CEP128: variants seen among roughly 807,000 people sequenced by gnomAD.
CEP128 encodes centrosomal protein 128kDa.
In CEP128, 132 loss-of-function variants were observed where a neutral mutation model predicts 156.7. That is an observed-to-expected ratio of 0.84 (90% confidence interval 0.73 to 0.97). The LOEUF (loss-of-function observed/expected upper bound fraction) is 0.97, where lower values mean the gene tolerates loss of function less well. CEP128 is among the 50% of genes least tolerant of loss of function. The pLI is 0.00. For synonymous variants in CEP128, 469 were observed against 448.9 expected (o/e 1.04, Z -0.57); for missense variants, 1,252 against 1,281.9 (o/e 0.98, Z 0.36).
chr14:80,951,817 A>T (rs1886472193), intron 2 of CEP128, among the ~76,000 whole-genome samples: 1 of 152,094 alleles, frequency 6.6e-6, no homozygotes, highest in Admixed American at 6.5e-5. Context: ...TCATACCATG[A>T]TAACGCTGAT....
rs548688123 is a variant in CEP128, at chr14:80,640,828, A to G, written c.2807-60405T>C. ...TAGTTTATTAGAAAACTTGGCCCAC[A>G]TATCTTAAGGGTACTTCAAAAACAG... On this transcript the variant is annotated intron_variant, in intron 19 of 24. Transcript: ENST00000555265. 1.9e-4 allele frequency among the ~76,000 whole-genome samples: 29 copies of G among 152,310 alleles called. 1 individual carries two copies. The highest frequency in any genetic ancestry group is 1.5e-3 in the Admixed American group (23 of 15,304).
chr14:80,808,651 C>T (rs988368462), intron 13 of CEP128, among the ~76,000 whole-genome samples: 3 of 152,042 alleles, frequency 2.0e-5, no homozygotes, highest in South Asian at 2.1e-4. Flanking sequence ...CTATGAAGAC[C>T]GAAAGACTTA....
chr14:80,841,104 A>T (rs1886329695), intron 9 of CEP128, among the ~76,000 whole-genome samples: 2 of 152,304 alleles, frequency 1.3e-5, no homozygotes, highest in Non-Finnish European at 2.9e-5. Context: ...AAGAAAGTTA[A>T]GAAAATACAC....
At chr14:80,738,719 T>C (rs1159565668) in intron 19 of CEP128, among the ~76,000 whole-genome samples, 1 of 152,124 alleles carries the variant, frequency 6.6e-6, no homozygotes, top group Non-Finnish European at 1.5e-5. Flanking sequence ...ATTATTAATG[T>C]TTTATTGTTT....
chr14:80,533,012 C>T (rs908842672), intron 21 of CEP128, among the ~76,000 whole-genome samples: 2 of 151,980 alleles, frequency 1.3e-5, no homozygotes, highest in Admixed American at 6.6e-5. Context: ...GTCTTTAGGC[C>T]ACATGTACTC....
chr14:80,791,264 T>G (rs937762454), intron 14 of CEP128, among the ~76,000 whole-genome samples: 37 of 152,228 alleles, frequency 2.4e-4, no homozygotes, highest in African/African-American at 8.7e-4. Flanking sequence ...TTACAATGCC[T>G]GCTGTGATAA....
chr14:80,862,697 C>G (rs1044882994), intron 9 of CEP128, 60 bp downstream of exon 9: 32 of 1,123,572 alleles, frequency 2.8e-5, no homozygotes, highest in Non-Finnish European at 4.2e-5. Context: ...ACCATTTTAA[C>G]ATGGCTAAAT....
chr14:80,955,456 C>A lies in CEP128; in HGVS notation c.-172+2722G>T. 5.0e-6 allele frequency: 3 copies of A among 603,710 alleles called. No homozygotes were observed. In the South Asian group the frequency reaches 5.8e-5, roughly 12 times the overall value. 37.4% of individuals were successfully genotyped at this position (603,710 alleles called of 1,614,324 possible). On this transcript the variant is annotated intron_variant, in intron 2 of 7. Coordinates refer to the CEP128 transcript ENST00000555529. ...GTCCAGCCAAGGAAAGTGAAGCAAGCAGACTTGTTTGGGTCAAGGTTGCCT... is the reference window on the plus strand; with the variant it reads ...GTCCAGCCAAGGAAAGTGAAGCAAGAAGACTTGTTTGGGTCAAGGTTGCCT...
intron 21 of CEP128, among the ~76,000 whole-genome samples, chr14:80,544,011 T>C (rs916161662): frequency 1.3e-5 from 2 of 152,150 alleles, no homozygotes; most frequent in Non-Finnish European, 2.9e-5. Flanking sequence ...AAAAGCTTAT[T>C]AATAGAACTG....
At chr14:80,531,694 A>G (rs1356821499) in intron 21 of CEP128, among the ~76,000 whole-genome samples, 4 of 152,200 alleles carry the variant, frequency 2.6e-5, no homozygotes, top group African/African-American at 9.7e-5. Context: ...TAATTGTTCA[A>G]TGAAATAAAC....
chr14:80,944,366 T>A (rs1886276896), upstream of CEP128, among the ~76,000 whole-genome samples: 1 of 152,154 alleles, frequency 6.6e-6, no homozygotes, highest in African/African-American at 2.4e-5. Flanking sequence ...GCTGTTCTCA[T>A]GATAGTGAGT....
chr14:80,819,761 T>G (rs889621246), intron 13 of CEP128, among the ~76,000 whole-genome samples: 7 of 152,180 alleles, frequency 4.6e-5, no homozygotes, highest in African/African-American at 1.4e-4. Context: ...CAGTGCTGAG[T>G]GTGAGTTCAA....
chr14:80,883,680 A>G (rs1888658839), intron 8 of CEP128, among the ~76,000 whole-genome samples: 2 of 152,306 alleles, frequency 1.3e-5, no homozygotes, highest in Non-Finnish European at 1.5e-5. Context: ...AGCAATCTAC[A>G]GATTCAATGC....
At chr14:80,773,476 T>C (rs1000196187) in intron 16 of CEP128, among the ~76,000 whole-genome samples, 6 of 152,134 alleles carry the variant, frequency 3.9e-5, no homozygotes, top group Non-Finnish European at 8.8e-5. Context: ...TTTAAAAATA[T>C]ACAAACATAT....
intron 9 of CEP128, among the ~76,000 whole-genome samples, chr14:80,857,455 G>T (rs2077532): frequency 6.6e-6 from 1 of 151,730 alleles, no homozygotes; most frequent in Non-Finnish European, 1.5e-5. Context: ...AATTTAGGTC[G>T]GGCGTGGTGG....
At chr14:80,698,742 AT>A (rs1896970454) in intron 19 of CEP128, among the ~76,000 whole-genome samples, 1 of 152,174 alleles carries the variant, frequency 6.6e-6, no homozygotes, top group Non-Finnish European at 1.5e-5. Flanking sequence ...ATAGAGATAA[AT>A]TTAGACCTAT....
intron 19 of CEP128, among the ~76,000 whole-genome samples, chr14:80,601,000 A>C (rs1019427949): frequency 6.6e-6 from 1 of 152,136 alleles, no homozygotes. Flanking sequence ...ATGATATATG[A>C]AGAAGATTAT....
chr14:80,795,021 C>A (rs938510326), intron 13 of CEP128, among the ~76,000 whole-genome samples: 1 of 152,182 alleles, frequency 6.6e-6, no homozygotes, highest in Non-Finnish European at 1.5e-5. Flanking sequence ...ATATTATCCC[C>A]ATTTCAGTGA....
At chr14:80,943,100 CATA>C (rs1294670219), upstream of CEP128, among the ~76,000 whole-genome samples, 1 of 152,166 alleles carries the variant, frequency 6.6e-6, no homozygotes, top group African/African-American at 2.4e-5. Flanking sequence ...CATGCAGAAG[CATA>C]ATAATAACTG....
Sources: gnomAD v4.1 joint callset for allele counts (sites outside exome capture counted in the v4.1 genomes callset) on GRCh38, gnomAD v4.1.1 for gene constraint, MANE v1.5 for transcripts, NCBI Gene and HGNC (gene_info 2026-07-23, HGNC 2026-07-21) for gene names.